The following SHROOM4 variants were observed in gnomAD, a reference collection of about 807,000 sequenced individuals.
The protein encoded by SHROOM4 is protein Shroom4.
SHROOM4 carries 17 observed loss-of-function variants against 80.3 expected under a neutral mutation model. That is an observed-to-expected ratio of 0.21 (90% CI 0.14 to 0.32). The LOEUF is 0.32. Ranked by LOEUF, SHROOM4 falls within the 10% of genes least tolerant of loss-of-function variation. SHROOM4 has a pLI of 1.00. For missense variants in SHROOM4, 993 were observed against 1,140.3 expected, an observed-to-expected ratio of 0.87 and a Z score of 1.86; for synonymous variants, 400 against 437.5, an observed-to-expected ratio of 0.91 and a Z score of 1.07.
intron 1 of SHROOM4, among the ~76,000 whole-genome samples, chrX:50,713,505 C>A (rs1487026093): frequency 9.1e-6 from 1 of 110,365 alleles, no homozygotes; most frequent in Non-Finnish European, 1.9e-5. Context: ...GTGTCATGTG[C>A]CTATGGTCCC....
At chrX:50,743,022 C>T (rs1557267350) in intron 1 of SHROOM4, among the ~76,000 whole-genome samples, 1 of 111,252 alleles carries the variant, frequency 9.0e-6, no homozygotes, top group Non-Finnish European at 1.9e-5. Context: ...TATTGATTTA[C>T]TTTTTTTCTC....
At chrX:50,679,741 A>G (rs1368865446) in intron 2 of SHROOM4, among the ~76,000 whole-genome samples, 1 of 111,988 alleles carries the variant, frequency 8.9e-6, no homozygotes, top group East Asian at 2.8e-4. Flanking sequence ...ATATACAATA[A>G]GTTACTGATA....
chrX:50,617,889 G>A (rs1444234976), intron 5 of SHROOM4, among the ~76,000 whole-genome samples: 4 of 111,586 alleles, frequency 3.6e-5, no homozygotes, highest in African/African-American at 1.3e-4. Flanking sequence ...AACTCCAGAA[G>A]GGGAAGGGCT....
At chrX:50,757,687 G>A (rs1424257152) in intron 1 of SHROOM4, among the ~76,000 whole-genome samples, 1 of 110,353 alleles carries the variant, frequency 9.1e-6, no homozygotes, top group Non-Finnish European at 1.9e-5. Flanking sequence ...GCCAGGCGTG[G>A]TGGCACAGTC....
chrX:50,706,428 G>A (rs782182996), intron 1 of SHROOM4, among the ~76,000 whole-genome samples: 31 of 112,045 alleles, frequency 2.8e-4, no homozygotes, highest in Non-Finnish European at 2.8e-4. Context: ...TGTCTGTATT[G>A]AACACATTGT....
chrX:50,753,952 T>C (rs1557268224), intron 1 of SHROOM4, among the ~76,000 whole-genome samples: 1 of 111,940 alleles, frequency 8.9e-6, no homozygotes, highest in Non-Finnish European at 1.9e-5. Context: ...ATGGGGCTAA[T>C]TGTCTATTTC....
chrX:50,608,113 A>T lies in SHROOM4; in HGVS notation c.3029T>A (p.Leu1010Gln). ...AATTGCTCGGTAGCTTGACAAGTCC[A>T]GTGCTGGGTTCTCAAGGCAAGGATG... is the stretch of plus-strand genomic sequence containing the variant. ...PFHPCLENPA[L>Q]DLSSYRAISS... is the part of the protein sequence containing the mutation. The change falls in exon 6 of 9, where the codon CTG becomes CAG. Residue 1010 changes from leucine to glutamine, a missense_variant. Coordinates refer to ENST00000376020, the MANE Select transcript of SHROOM4 (RefSeq NM_020717.5). 1.7e-6 allele frequency: 2 copies of T among 1,211,871 alleles called. No individual in the cohort carries two copies. The highest frequency in any genetic ancestry group is 2.2e-6 in the Non-Finnish European group (2 of 895,564).
intron 1 of SHROOM4, among the ~76,000 whole-genome samples, chrX:50,809,179 C>T (rs782221146): frequency 2.8e-4 from 31 of 111,461 alleles, no homozygotes; most frequent in African/African-American, 8.5e-4. Flanking sequence ...GATGCACACC[C>T]CACGAAGGTC....
At chrX:50,678,375 T>A (rs1363961144) in intron 2 of SHROOM4, among the ~76,000 whole-genome samples, 1 of 111,397 alleles carries the variant, frequency 9.0e-6, no homozygotes, top group Non-Finnish European at 1.9e-5. Flanking sequence ...CTCTCCCCTC[T>A]CCACCATGGC....
intron 1 of SHROOM4, among the ~76,000 whole-genome samples, chrX:50,730,033 A>C (rs1206358642): frequency 1.8e-5 from 2 of 112,293 alleles, no homozygotes; most frequent in African/African-American, 6.5e-5. Context: ...CCAGAGAGTA[A>C]TTTGAATTTT....
At chrX:50,797,054 G>A (rs1354473290) in intron 1 of SHROOM4, among the ~76,000 whole-genome samples, 2 of 97,524 alleles carry the variant, frequency 2.1e-5, no homozygotes, top group Non-Finnish European at 4.1e-5. Flanking sequence ...GATGGGGGGA[G>A]GGAGAATAGG....
intron 1 of SHROOM4, among the ~76,000 whole-genome samples, chrX:50,710,267 G>A (rs1933778732): frequency 8.9e-6 from 1 of 111,822 alleles, no homozygotes; most frequent in Non-Finnish European, 1.9e-5. Context: ...AACCACCTAA[G>A]TGTCCATCAG....
chrX:50,612,162 A>T (rs1432335495), intron 5 of SHROOM4, among the ~76,000 whole-genome samples: 1 of 109,748 alleles, frequency 9.1e-6, no homozygotes, highest in Admixed American at 9.7e-5. Context: ...ACAATGAAAC[A>T]GATTAACCAC....
At chrX:50,745,743 G>A (rs1416508835) in intron 1 of SHROOM4, among the ~76,000 whole-genome samples, 1 of 111,135 alleles carries the variant, frequency 9.0e-6, no homozygotes, top group Admixed American at 9.5e-5. Context: ...CTGTTTTCTC[G>A]GTTGTACTCA....
Position 50,785,689 on chromosome X carries a change from C to T in SHROOM4, c.117+28213G>A, listed in dbSNP as rs185163749. Among the ~76,000 whole-genome samples the T allele has an allele frequency of 4.5e-5, 5 of 111,164 alleles. No homozygotes were observed. In the Admixed American group the frequency reaches 4.8e-4, roughly 11 times the overall value. ...GTTGTGGAGCTGGATTACAAAGGGG[C>T]ACAAGGAAACTTTTGGGTGTGATGA... is the stretch of plus-strand genomic sequence containing the variant. On this transcript the variant is annotated intron_variant, in intron 1 of 8. Transcript: ENST00000376020.
At chrX:50,757,657 T>C (rs1935065952) in intron 1 of SHROOM4, among the ~76,000 whole-genome samples, 1 of 110,793 alleles carries the variant, frequency 9.0e-6, no homozygotes, top group African/African-American at 3.3e-5. Context: ...ACCCAGTCTC[T>C]ACTAAAAATA....
intron 5 of SHROOM4, among the ~76,000 whole-genome samples, chrX:50,615,999 T>C (rs1278641934): frequency 2.7e-5 from 3 of 112,248 alleles, no homozygotes; most frequent in Admixed American, 1.9e-4. Flanking sequence ...TGCATGGAGC[T>C]TTGCTGCTTT....
intron 2 of SHROOM4, among the ~76,000 whole-genome samples, chrX:50,649,266 C>A (rs782370783): frequency 4.5e-5 from 5 of 111,942 alleles, no homozygotes; most frequent in African/African-American, 6.5e-5. Context: ...GTGTGCCCAG[C>A]GAGCAGCTTG....
chrX:50,789,391 C>T (rs1166524477), intron 1 of SHROOM4, among the ~76,000 whole-genome samples: 3 of 110,898 alleles, frequency 2.7e-5, no homozygotes, highest in African/African-American at 9.8e-5. Flanking sequence ...CAATACACTC[C>T]TAAATAACCA....
Sources: gnomAD v4.1 joint callset for allele counts (sites outside exome capture counted in the v4.1 genomes callset) on GRCh38, gnomAD v4.1.1 for gene constraint, MANE v1.5 for transcripts, NCBI Gene and HGNC (gene_info 2026-07-23, HGNC 2026-07-21) for gene names.